PCSK5: variants seen among roughly 807,000 people sequenced by gnomAD.
PCSK5 encodes prohormone convertase 5.
Under a neutral mutation model 233.2 loss-of-function variants are expected in PCSK5, and 129 were observed. The observed-to-expected ratio is 0.55, with a 90% CI of 0.48 to 0.64. The LOEUF is 0.64. Ranked by LOEUF, PCSK5 falls within the 30% of genes least tolerant of loss-of-function variation. The pLI is 0.00. For synonymous variants in PCSK5, 825 were observed against 879.2 expected (o/e 0.94, Z 1.09); for missense variants, 2,076 against 2,430.1 (o/e 0.85, Z 3.06).
At chr9:76,071,985 A>C in intron 7 of PCSK5, 87 bp downstream of exon 7, 1 of 1,322,222 alleles carries the variant, frequency 7.6e-7, no homozygotes, top group African/African-American at 1.5e-5. Context: ...GCTGCAGTCT[A>C]GAGAACTGGA....
intron 2 of PCSK5, among the ~76,000 whole-genome samples, chr9:75,937,367 CAG>C (rs1435443477): frequency 6.6e-6 from 1 of 151,958 alleles, no homozygotes; most frequent in Non-Finnish European, 1.5e-5. Flanking sequence ...TTAGTAGAGA[CAG>C]GGTTTCACCA....
intron 20 of PCSK5, among the ~76,000 whole-genome samples, chr9:76,199,956 G>A (rs1209364682): frequency 6.6e-6 from 1 of 152,030 alleles, no homozygotes; most frequent in Non-Finnish European, 1.5e-5. Flanking sequence ...CTCAGTAAAT[G>A]GCATTCACTG....
intron 5 of PCSK5, among the ~76,000 whole-genome samples, chr9:76,064,654 C>G (rs528930543): frequency 6.8e-6 from 1 of 146,870 alleles, no homozygotes; most frequent in South Asian, 2.2e-4. Context: ...ACTTCTCAGA[C>G]GGGGTGGTTG....
chr9:75,895,779 AT>A (rs1825775379), intron 1 of PCSK5, among the ~76,000 whole-genome samples: 1 of 152,164 alleles, frequency 6.6e-6, no homozygotes, highest in East Asian at 1.9e-4. Flanking sequence ...TAGAAGAAGC[AT>A]TTTCCAAGTA....
At chr9:76,160,040 C>T (rs1408088993) in intron 12 of PCSK5, among the ~76,000 whole-genome samples, 1 of 152,042 alleles carries the variant, frequency 6.6e-6, no homozygotes, top group East Asian at 1.9e-4. Context: ...CCAGGATGGT[C>T]TCGATCTCCT....
chr9:76,023,935 A>C lies in PCSK5; in HGVS notation c.555+54A>C, dbSNP rs1276354547. 3 of 1,500,010 alleles carry C rather than the reference A, an allele frequency of 2.0e-6. No individual in the cohort carries two copies. The East Asian group carries it at 6.9e-5, about 35-fold the overall frequency. The allele number at this position is 1,500,010 out of a possible 1,614,324, so 92.9% of individuals were successfully genotyped here. A position where few individuals can be genotyped will look rare whatever the true frequency, so the allele number is the denominator to read the frequency against. On this transcript the variant is annotated intron_variant, in intron 4 of 37. Coordinates refer to ENST00000674117, the MANE Select transcript of PCSK5 (RefSeq NM_001372043.1). The stretch of plus-strand genomic sequence containing the variant: ...TTCCTTCTGGGAAACAGAGAAACTC[A>C]TGTTAGGATTATCAAAAAGGTGGAT...
chr9:75,909,557 T>C (rs1822632125), intron 1 of PCSK5, among the ~76,000 whole-genome samples: 1 of 151,340 alleles, frequency 6.6e-6, no homozygotes, highest in South Asian at 2.1e-4. Context: ...TATCCAGGTG[T>C]GGTGGTGGGT....
intron 17 of PCSK5, among the ~76,000 whole-genome samples, chr9:76,187,186 A>G (rs1824143832): frequency 6.6e-6 from 1 of 152,170 alleles, no homozygotes; most frequent in Admixed American, 6.5e-5. Flanking sequence ...ATCCACATAC[A>G]AAGCAGTCAA....
intron 2 of PCSK5, among the ~76,000 whole-genome samples, chr9:75,945,993 TGTTG>T (rs1487914920): frequency 6.6e-6 from 1 of 152,252 alleles, no homozygotes; most frequent in East Asian, 1.9e-4. Flanking sequence ...ATTTGGTGAC[TGTTG>T]GTTTTCTCAT....
At chr9:76,240,585 A>T in intron 23 of PCSK5, 31 bp from the exon 24 acceptor site, 1 of 1,442,600 alleles carries the variant, frequency 6.9e-7, no homozygotes, top group Admixed American at 1.9e-5. Context: ...AATGGAAATG[A>T]GTTGTGTTTT....
intron 3 of PCSK5, among the ~76,000 whole-genome samples, chr9:76,002,249 G>A (rs567647844): frequency 5.9e-5 from 9 of 152,296 alleles, no homozygotes; most frequent in African/African-American, 1.9e-4. Context: ...AGGCATGCAT[G>A]AAGTACTGTG....
At chr9:76,046,155 C>CTTTTTTTTTTTTTTTTTT (rs1829362984) in intron 5 of PCSK5, among the ~76,000 whole-genome samples, 1 of 55,702 alleles carries the variant, frequency 1.8e-5, no homozygotes, top group African/African-American at 5.2e-5. Context: ...ATAATTTTTT[C>CTTTTTTTTTTTTTTTTTT]TTTTGTTTTT....
intron 24 of PCSK5, among the ~76,000 whole-genome samples, chr9:76,278,611 T>A (rs1397503440): frequency 3.3e-5 from 5 of 152,162 alleles, no homozygotes; most frequent in African/African-American, 1.2e-4. Context: ...TATATATGTA[T>A]ATGTAAAGCA....
At chr9:76,040,829 G>A (rs966400619) in intron 5 of PCSK5, among the ~76,000 whole-genome samples, 4 of 152,306 alleles carry the variant, frequency 2.6e-5, no homozygotes, top group Middle Eastern at 3.4e-3. Context: ...ATTTCATTTA[G>A]AAAGGATTTC....
intron 21 of PCSK5, 32 bp from the exon 22 acceptor site, chr9:76,233,428 T>A: frequency 6.2e-7 from 1 of 1,611,210 alleles, no homozygotes; most frequent in Non-Finnish European, 8.5e-7. Context: ...AAAGTCACCC[T>A]GATGAATTCT....
chr9:76,242,243 C>T (rs189732871), intron 24 of PCSK5, among the ~76,000 whole-genome samples: 1,699 of 152,180 alleles, frequency 0.011, 39 homozygotes, highest in African/African-American at 0.039. Flanking sequence ...TCTAAATCTT[C>T]TCTTTGAGCT....
intron 3 of PCSK5, among the ~76,000 whole-genome samples, chr9:76,009,688 G>GTA (rs1424258494): frequency 6.6e-6 from 1 of 151,710 alleles, no homozygotes; most frequent in African/African-American, 2.4e-5. Flanking sequence ...AAGGTGGAGT[G>GTA]TATATATATA....
At chr9:76,349,343 G>A (rs963118907) in intron 35 of PCSK5, among the ~76,000 whole-genome samples, 4 of 151,666 alleles carry the variant, frequency 2.6e-5, no homozygotes, top group Non-Finnish European at 4.4e-5. Flanking sequence ...ATGGAAATAG[G>A]AGAAGATTGA....
intron 5 of PCSK5, among the ~76,000 whole-genome samples, chr9:76,051,929 A>C (rs1401857406): frequency 6.6e-6 from 1 of 152,222 alleles, no homozygotes; most frequent in Non-Finnish European, 1.5e-5. Flanking sequence ...AGGATTTGAG[A>C]GTCCTAATAG....
Sources: gnomAD v4.1 joint callset for allele counts (sites outside exome capture counted in the v4.1 genomes callset) on GRCh38, gnomAD v4.1.1 for gene constraint, MANE v1.5 for transcripts, NCBI Gene and HGNC (gene_info 2026-07-23, HGNC 2026-07-21) for gene names.